The following HPS1 variants were observed in gnomAD, a reference collection of about 807,000 sequenced individuals.
HPS1 encodes HPS1 biogenesis of lysosomal organelles complex 3 subunit 1.
HPS1 carries 59 observed loss-of-function variants against 90.6 expected under a neutral mutation model. That is an observed-to-expected ratio of 0.65 (90% CI 0.53 to 0.81). The LOEUF (loss-of-function observed/expected upper bound fraction) is 0.81. Ranked by LOEUF, HPS1 falls within the 30% of genes least tolerant of loss-of-function variation. The pLI is 0.00. For synonymous variants in HPS1, 388 were observed against 384.4 expected, an observed-to-expected ratio of 1.01 and a Z score of -0.11; for missense variants, 849 against 896.7, an observed-to-expected ratio of 0.95 and a Z score of 0.68.
At chr10:98,431,824 T>C (rs1281788664) in intron 6 of HPS1, among the ~76,000 whole-genome samples, 4 of 152,192 alleles carry the variant, frequency 2.6e-5, no homozygotes, top group Non-Finnish European at 5.9e-5. Context: ...ATTAAAAAAG[T>C]AAAAAGAAAC....
chr10:98,422,296 T>C, intron 17 of HPS1, 73 bp downstream of exon 17: 1 of 1,553,806 alleles, frequency 6.4e-7, no homozygotes, highest in Non-Finnish European at 8.9e-7. Flanking sequence ...CCCAGGCATG[T>C]GGATCACACC....
Position 98,425,885 on chromosome 10 carries a change from G to A in HPS1, c.1088C>T (p.Pro363Leu), listed in dbSNP as rs1433431744. Residue 363 changes from proline (P) to leucine (L), a missense_variant, in exon 12 of 20, where the codon CCC becomes CTC. Coordinates refer to ENST00000361490, the MANE Select transcript of HPS1 (RefSeq NM_000195.5). The stretch of plus-strand genomic sequence containing the variant: ...GCAGTACATGGTGTGGGGCACTAGG[G>A]GGCAGTAGCTTTCCTTCACGTTGGC... ...LDANVKESYC[P>L]LVPHTMYCLP... The A allele has an allele frequency of 6.2e-7, 1 of 1,614,158 alleles. No individual in the cohort carries two copies. The highest frequency in any genetic ancestry group is 1.7e-5 in the Admixed American group (1 of 60,030).
At chr10:98,428,966 C>A (rs1350778309) in intron 10 of HPS1, among the ~76,000 whole-genome samples, 3 of 151,880 alleles carry the variant, frequency 2.0e-5, no homozygotes, top group African/African-American at 7.3e-5. Flanking sequence ...CTCAGCCTCC[C>A]GAGTAGCTGG....
In HPS1 at chr10:98,425,627, C is replaced by A; in HGVS notation, c.1249G>T (p.Ala417Ser). 1 of 1,613,688 alleles carries A rather than the reference C, an allele frequency of 6.2e-7. No homozygotes were observed. The highest frequency in any genetic ancestry group is 8.5e-7 in the Non-Finnish European group (1 of 1,179,888). Reference protein sequence around the residue: ...KKLKEGPEPGASLRSQPLVGD... With the variant: ...KKLKEGPEPGSSLRSQPLVGD... ...ACGAGGGGCTGGGAGCGCAGGGAGG[C>A]CCCGGGCTCCGGCCCTTCCTTCAGC... The change falls in exon 13 of 20, where the codon GCC becomes TCC. Residue 417 changes from alanine (A) to serine (S), a missense_variant. Transcript: ENST00000361490.
downstream of HPS1, chr10:98,416,055 G>C (rs937987879): frequency 6.6e-6 from 1 of 152,322 alleles, no homozygotes; most frequent in African/African-American, 2.4e-5. Context: ...GCACTGCTCT[G>C]ATATCGCAGT....
chr10:98,435,857 A>C lies in HPS1; in HGVS notation c.118-85T>G. On this transcript the variant is annotated intron_variant, in intron 3 of 19. Coordinates refer to ENST00000361490, the MANE Select transcript of HPS1 (RefSeq NM_000195.5). This position sits in a 1 kb window ranked among gnomAD's most constrained non-coding sequence, Gnocchi z 4.3. ...AGGGACAAGATCAGGCCTTGATATC[A>C]AGGGTTCCATAGTGTTAGACCCTCC... 101 of 1,569,218 alleles carry C rather than the reference A, an allele frequency of 6.4e-5. No individual in the cohort carries two copies. The highest frequency in any genetic ancestry group is 2.0e-4 in the East Asian group (9 of 44,466).
chr10:98,425,700 G>C lies in HPS1; in HGVS notation c.1176C>G (p.Ala392=), dbSNP rs370108188. 1 of 1,611,166 alleles carries C rather than the reference G, an allele frequency of 6.2e-7. No homozygotes were observed. Among genetic ancestry groups the C allele is most frequent in the Non-Finnish European group, 8.5e-7 (1 of 1,178,288 alleles). ...CATCCATCAGCTGGGACAGAACCAG[G>C]GCCAGGGGCGCGCTGGGGCTCTGAG... ...LLTRSPSAPL[A]LVLSQLMDGF... Residue 392 remains alanine, a synonymous_variant, in exon 13 of 20, where the codon GCC becomes GCG. Coordinates refer to ENST00000361490, the MANE Select transcript of HPS1 (RefSeq NM_000195.5).
chr10:98,439,837 C>T (rs1938094669), intron 3 of HPS1, among the ~76,000 whole-genome samples: 1 of 152,178 alleles, frequency 6.6e-6, no homozygotes, highest in African/African-American at 2.4e-5. Flanking sequence ...TTGTAATCCC[C>T]ATAATCCCCA....
chr10:98,437,079 A>G (rs1433114886), intron 3 of HPS1, among the ~76,000 whole-genome samples: 7 of 151,800 alleles, frequency 4.6e-5, no homozygotes, highest in South Asian at 2.1e-4. Context: ...CCCATACCCC[A>G]TTTAACTTCT....
intron 18 of HPS1, among the ~76,000 whole-genome samples, chr10:98,418,532 C>T (rs1006140758): frequency 3.3e-5 from 5 of 152,234 alleles, no homozygotes; most frequent in African/African-American, 1.2e-4. Context: ...CTCAGGAGGG[C>T]ACCCTGCAGG....
chr10:98,436,117 T>C (rs764171115), intron 3 of HPS1, among the ~76,000 whole-genome samples: 1 of 152,200 alleles, frequency 6.6e-6, no homozygotes, highest in Non-Finnish European at 1.5e-5. Flanking sequence ...TGCTGTTTTT[T>C]GCAATAAGTC....
chr10:98,419,189 G>A (rs1452301358), intron 18 of HPS1, among the ~76,000 whole-genome samples: 1 of 152,074 alleles, frequency 6.6e-6, no homozygotes, highest in African/African-American at 2.4e-5. Context: ...GAAAGGGATG[G>A]CTGTCACCCT....
Position 98,429,580 on chromosome 10 carries a change from C to A in HPS1, c.930G>T (p.Gln310His). 6.2e-7 allele frequency: 1 copy of A among 1,614,206 alleles called. No homozygotes were observed. The highest frequency in any genetic ancestry group is 1.1e-5 in the South Asian group (1 of 91,080). ...YFTPAPSPGD[Q>H]SSGSTIWLEG... is the part of the protein sequence containing the mutation. ...CTTTCCTCCGGTCCTCACCTGAGCT[C>A]TGATCGCCAGGGGAAGGAGCTGGTG... Residue 310 changes from glutamine to histidine, a missense_variant, in exon 10 of 20, where the codon CAG becomes CAT. Physicochemically the swap from Gln to His is conservative, Grantham distance 24. Transcript: ENST00000361490.
At chr10:98,428,448 G>A (rs577682878) in intron 10 of HPS1, among the ~76,000 whole-genome samples, 1 of 152,206 alleles carries the variant, frequency 6.6e-6, no homozygotes, top group Admixed American at 6.5e-5. Flanking sequence ...GCACAGCAGT[G>A]GTTTGCACCC....
chr10:98,414,919 G>T (rs1843945301), downstream of HPS1: 10 of 1,536,810 alleles, frequency 6.5e-6, no homozygotes, highest in African/African-American at 1.4e-5. Flanking sequence ...GAGCAGTGGG[G>T]CTTGGCTCCC....
chr10:98,432,136 T>A (rs1341777383), intron 6 of HPS1, among the ~76,000 whole-genome samples: 2 of 152,184 alleles, frequency 1.3e-5, no homozygotes, highest in African/African-American at 4.8e-5. Context: ...AAGAGAGGCA[T>A]AAGATGAAGC....
chr10:98,427,015 C>T (rs1845694993), intron 11 of HPS1, among the ~76,000 whole-genome samples, 200 bp downstream of exon 11: 1 of 152,198 alleles, frequency 6.6e-6, no homozygotes, highest in Non-Finnish European at 1.5e-5. Context: ...GTTCGCCACC[C>T]CTCACAGCCC....
chr10:98,424,775 C>T (rs1025183686), intron 13 of HPS1, among the ~76,000 whole-genome samples: 2 of 151,070 alleles, frequency 1.3e-5, no homozygotes, highest in East Asian at 2.0e-4. Context: ...GGCGGCCTCA[C>T]GGGATCTCTA....
chr10:98,415,783 C>T (rs995706777), downstream of HPS1, among the ~76,000 whole-genome samples: 4 of 150,442 alleles, frequency 2.7e-5, no homozygotes, highest in Non-Finnish European at 5.9e-5. Context: ...AAACCCACAA[C>T]GAGGGCTTAG....
Sources: gnomAD v4.1 joint callset for allele counts (sites outside exome capture counted in the v4.1 genomes callset) on GRCh38, gnomAD v4.1.1 for gene constraint, Gnocchi (gnomAD v3.1) non-coding constraint, MANE v1.5 for transcripts, NCBI Gene and HGNC (gene_info 2026-07-23, HGNC 2026-07-21) for gene names.